CLCN5: variants seen among roughly 807,000 people sequenced by gnomAD.
CLCN5 encodes H(+)/Cl(-) exchange transporter 5.
Under a neutral mutation model 54.0 loss-of-function variants are expected in CLCN5, and 17 were observed. The ratio of observed to expected loss-of-function variants is 0.31; its 90% confidence interval spans 0.22 to 0.47. The LOEUF (loss-of-function observed/expected upper bound fraction) is 0.47, where lower values mean the gene tolerates loss of function less well. Ranked by LOEUF, CLCN5 falls within the 20% of genes least tolerant of loss-of-function variation. The pLI is 1.00. For synonymous variants in CLCN5, 222 were observed against 233.0 expected, an observed-to-expected ratio of 0.95 and a Z score of 0.43; for missense variants, 448 against 646.7, an observed-to-expected ratio of 0.69 and a Z score of 3.33.
At chrX:49,972,127 GT>G (rs1928251023) in intron 3 of CLCN5, among the ~76,000 whole-genome samples, 5 of 92,116 alleles carry the variant, frequency 5.4e-5, no homozygotes. Context: ...GTGTGTGTGT[GT>G]GTGTGTGTGT....
At chrX:49,967,462 T>C in intron 3 of CLCN5, among the ~76,000 whole-genome samples, 1 of 90,954 alleles carries the variant, frequency 1.1e-5, no homozygotes, top group African/African-American at 6.4e-5. Flanking sequence ...TTTGATGGGG[T>C]TGTTTGTTTT....
Position 50,008,959 on chromosome X carries a change from C to T in CLCN5, c.17-33357C>T, listed in dbSNP as rs73490086. The T allele has an allele frequency of 6.3e-3, 2,414 of 384,652 alleles. 42 individuals are homozygous for T. The highest frequency in any genetic ancestry group is 0.054 in the African/African-American group (2,124 of 39,202). 31.7% of individuals were successfully genotyped at this position (384,652 alleles called of 1,213,427 possible). A position where few individuals can be genotyped will look rare whatever the true frequency, so the allele number is the denominator to read the frequency against. ...GGTGTCAGAGCCTTCTTGTCTGCTC[C>T]CCCTCTTGAATCCTTGGAACCTAGG... On this transcript the variant is annotated intron_variant, in intron 3 of 14. Transcript: ENST00000376091.
intron 4 of CLCN5, among the ~76,000 whole-genome samples, chrX:50,046,582 A>G (rs186634296): frequency 4.4e-4 from 49 of 111,376 alleles, no homozygotes; most frequent in African/African-American, 1.6e-3. Flanking sequence ...TGCAGGGGCT[A>G]GGGTAGGAGG....
intron 3 of CLCN5, among the ~76,000 whole-genome samples, chrX:49,965,223 G>T (rs1487815888): frequency 9.0e-6 from 1 of 110,996 alleles, no homozygotes; most frequent in African/African-American, 3.3e-5. Flanking sequence ...GAGAACATGT[G>T]ATTTTTATCA....
At chrX:50,005,036 A>G (rs1930084826) in intron 3 of CLCN5, among the ~76,000 whole-genome samples, 1 of 112,362 alleles carries the variant, frequency 8.9e-6, no homozygotes, top group Non-Finnish European at 1.9e-5. Context: ...TTTGGTTGAT[A>G]TGTATCTTAA....
At position 50,009,523 on chromosome X, in the gene CLCN5, T is replaced by C. The variant is rs1330267093; in HGVS notation, c.17-32793T>C. On this transcript the variant is annotated intron_variant, in intron 3 of 14. Transcript: ENST00000376091. ...TCTGAAAAAGATGCCACTCATATCTTTCATTCTAGTCTGAGGTTTTGTCTG... is the reference window on the plus strand; with the variant it reads ...TCTGAAAAAGATGCCACTCATATCTCTCATTCTAGTCTGAGGTTTTGTCTG... 3.6e-5 allele frequency among the ~76,000 whole-genome samples: 4 copies of C among 111,828 alleles called. No homozygotes were observed. In the East Asian group the frequency reaches 1.1e-3, roughly 31 times the overall value.
At chrX:50,013,830 C>T (rs781980228) in intron 3 of CLCN5, among the ~76,000 whole-genome samples, 4 of 112,419 alleles carry the variant, frequency 3.6e-5, no homozygotes, top group African/African-American at 6.5e-5. Flanking sequence ...CAGAGCCTGT[C>T]CATCCCTTCT....
At chrX:50,018,463 C>G (rs1930899922) in intron 3 of CLCN5, among the ~76,000 whole-genome samples, 1 of 111,721 alleles carries the variant, frequency 9.0e-6, no homozygotes, top group African/African-American at 3.2e-5. Flanking sequence ...CCTTCCTTGT[C>G]TTTTTTGCAT....
At chrX:49,968,939 A>G (rs1569537575) in intron 3 of CLCN5, among the ~76,000 whole-genome samples, 3 of 106,243 alleles carry the variant, frequency 2.8e-5, no homozygotes, top group Non-Finnish European at 5.7e-5. Context: ...GCTAATATCC[A>G]GAATCTACAA....
intron 4 of CLCN5, among the ~76,000 whole-genome samples, chrX:50,052,878 A>T (rs181733327): frequency 8.9e-6 from 1 of 112,025 alleles, no homozygotes. Context: ...TTGATTTAAT[A>T]ATTTACAGTG....
chrX:50,081,948 C>A, intron 9 of CLCN5, 101 bp downstream of exon 9: 1 of 725,193 alleles, frequency 1.4e-6, no homozygotes, highest in Non-Finnish European at 2.1e-6. Context: ...TTAATGCAAA[C>A]ACCCTTTGAC....
At chrX:49,964,486 T>G (rs1273194293) in intron 3 of CLCN5, among the ~76,000 whole-genome samples, 16 of 111,539 alleles carry the variant, frequency 1.4e-4, no homozygotes, top group African/African-American at 5.2e-4. Context: ...AGATTTAGTG[T>G]CTTGCCCAGG....
Position 50,042,351 on chromosome X carries a change from T to G in CLCN5, c.52T>G (p.Phe18Val), listed in dbSNP as rs782744227. Reference sequence around the variant, plus strand: ...TAACAGAGGCTTTCAGCAGGGGAGTTTTAGTAGCTTCCAGAACAGCTCCAG... The same window carrying G: ...TAACAGAGGCTTTCAGCAGGGGAGTGTTAGTAGCTTCCAGAACAGCTCCAG... ...MDNRGFQQGS[F>V]SSFQNSSSDE... is the part of the protein sequence containing the mutation. The change falls in exon 4 of 15, where the codon TTT becomes GTT. Residue 18 changes from phenylalanine (F) to valine (V), a missense_variant. Transcript: ENST00000376091. 62 of 1,175,764 alleles carry G rather than the reference T, an allele frequency of 5.3e-5. No homozygotes were observed. The highest frequency in any genetic ancestry group is 7.0e-5 in the Non-Finnish European group (61 of 876,840).
Position 50,086,244 on chromosome X carries a change from ACT to A in CLCN5, c.1015-80_1015-79del. ...GTCGGCAGTTTTCATCCATTAGTTG[ACT>A]CTCATGCCTGCAGCACAACATTTCA... On this transcript the variant is annotated intron_variant, in intron 10 of 14. Coordinates refer to ENST00000376091, the MANE Select transcript of CLCN5 (RefSeq NM_001127898.4). 2.9e-6 allele frequency: 3 copies of A among 1,028,030 alleles called. No individual in the cohort carries two copies. The Middle Eastern group carries it at 7.7e-4, about 266-fold the overall frequency. 84.7% of individuals were successfully genotyped at this position (1,028,030 alleles called of 1,213,427 possible).
chrX:50,067,313 T>G (rs1933059512), intron 4 of CLCN5, among the ~76,000 whole-genome samples: 1 of 111,604 alleles, frequency 9.0e-6, no homozygotes, highest in East Asian at 2.8e-4. Context: ...CCTTTCTCCC[T>G]TTTATACTTA....
chrX:50,056,518 C>T (rs1232603991), intron 4 of CLCN5, among the ~76,000 whole-genome samples: 1 of 111,614 alleles, frequency 9.0e-6, no homozygotes, highest in Non-Finnish European at 1.9e-5. Context: ...ACTTCATTGC[C>T]ACATTGCTTT....
At chrX:50,001,669 A>T (rs948887160) in intron 3 of CLCN5, among the ~76,000 whole-genome samples, 2 of 90,606 alleles carry the variant, frequency 2.2e-5, no homozygotes, top group African/African-American at 8.6e-5. Context: ...CCTGTGTCCA[A>T]GTGTTCTCAT....
At chrX:49,994,515 A>G (rs1220909867) in intron 3 of CLCN5, among the ~76,000 whole-genome samples, 2 of 104,825 alleles carry the variant, frequency 1.9e-5, no homozygotes, top group East Asian at 5.6e-4. Context: ...GTCAGATGCC[A>G]AAAGAAGAAA....
chrX:49,970,589 T>A (rs1279054730), intron 3 of CLCN5, among the ~76,000 whole-genome samples: 3 of 112,189 alleles, frequency 2.7e-5, no homozygotes, highest in African/African-American at 9.7e-5. Context: ...CTTCATTACT[T>A]CATTTGTTTT....
Sources: allele counts gnomAD v4.1 joint callset (sites outside exome capture counted in the v4.1 genomes callset), GRCh38; gene constraint gnomAD v4.1.1; transcripts MANE v1.5; gene names NCBI Gene and HGNC (gene_info 2026-07-23, HGNC 2026-07-21).